The following EYA4 variants were observed in gnomAD, a reference collection of about 807,000 sequenced individuals.
EYA4 encodes the protein protein phosphatase EYA4.
Under a neutral mutation model 87.9 loss-of-function variants are expected in EYA4, and 31 were observed. The ratio of observed to expected loss-of-function variants is 0.35; its 90% confidence interval spans 0.27 to 0.48. The LOEUF (loss-of-function observed/expected upper bound fraction) is 0.48, where lower values mean the gene tolerates loss of function less well. Among genes scored for constraint, EYA4 ranks in the 20% least tolerant of loss-of-function variants. The pLI is 0.99. For synonymous variants in EYA4, 263 were observed against 270.6 expected (o/e 0.97, Z 0.28); for missense variants, 678 against 761.4 (o/e 0.89, Z 1.29).
At chr6:133,518,847 C>T (rs1023918747) in intron 17 of EYA4, among the ~76,000 whole-genome samples, 4 of 152,048 alleles carry the variant, frequency 2.6e-5, no homozygotes, top group African/African-American at 9.7e-5. Flanking sequence ...GAATCTCACT[C>T]GAAACCGCTC....
intron 2 of EYA4, among the ~76,000 whole-genome samples, chr6:133,376,767 TC>T (rs1562347822): frequency 6.6e-6 from 1 of 152,034 alleles, no homozygotes; most frequent in East Asian, 1.9e-4. Flanking sequence ...TATGGTATTT[TC>T]TACATATATT....
chr6:133,512,295 C>T (rs1799220681), intron 14 of EYA4, among the ~76,000 whole-genome samples: 1 of 152,080 alleles, frequency 6.6e-6, no homozygotes, highest in Non-Finnish European at 1.5e-5. Flanking sequence ...TGTTGCCACT[C>T]AACAAATGAT....
intron 2 of EYA4, among the ~76,000 whole-genome samples, chr6:133,284,633 T>A (rs1777886469): frequency 6.6e-6 from 1 of 152,200 alleles, no homozygotes; most frequent in Admixed American, 6.5e-5. Context: ...AATAATTCCT[T>A]TTCTCCCCCT....
intron 2 of EYA4, among the ~76,000 whole-genome samples, chr6:133,275,667 A>G (rs1777106786): frequency 6.6e-6 from 1 of 151,988 alleles, no homozygotes; most frequent in Non-Finnish European, 1.5e-5. Flanking sequence ...ATGTGGTTCT[A>G]GAAAAGGTAT....
At chr6:133,500,494 G>T (rs17062634) in intron 13 of EYA4, among the ~76,000 whole-genome samples, 4,448 of 152,182 alleles carry the variant, frequency 0.029, 249 homozygotes, top group East Asian at 0.18. Context: ...CACTCTTGGG[G>T]TCATGAACTC....
At chr6:133,297,480 G>A (rs1322427974) in intron 2 of EYA4, among the ~76,000 whole-genome samples, 2 of 152,144 alleles carry the variant, frequency 1.3e-5, no homozygotes, top group Non-Finnish European at 2.9e-5. Flanking sequence ...GCAAGATGGG[G>A]CTTTTCTGGT....
chr6:133,418,318 G>C (rs1375904745), intron 3 of EYA4, among the ~76,000 whole-genome samples: 1 of 152,134 alleles, frequency 6.6e-6, no homozygotes, highest in Non-Finnish European at 1.5e-5. Context: ...ATTCTTCATG[G>C]ATGTGACAGT....
chr6:133,294,692 A>G (rs1431878358), intron 2 of EYA4, among the ~76,000 whole-genome samples: 1 of 151,984 alleles, frequency 6.6e-6, no homozygotes, highest in Non-Finnish European at 1.5e-5. Flanking sequence ...CTCAGCCTCC[A>G]GAGTACCTGG....
At chr6:133,432,728 A>G (rs1791299278) in intron 3 of EYA4, among the ~76,000 whole-genome samples, 1 of 151,986 alleles carries the variant, frequency 6.6e-6, no homozygotes. Flanking sequence ...TGCTAAGGTC[A>G]GGGACTTATC....
At position 133,374,610 on chromosome 6, in the gene EYA4, G is replaced by A. The variant is rs546636028; in HGVS notation, c.34-7782G>A. On this transcript the variant is annotated intron_variant, in intron 2 of 19. Transcript: ENST00000355286. ...AGGTTTTCTTTGAATGGAAGTAGATGCAGACTTCCAGGTATGCAGTAGAGT... is the reference window on the plus strand; with the variant it reads ...AGGTTTTCTTTGAATGGAAGTAGATACAGACTTCCAGGTATGCAGTAGAGT... 1.1e-4 allele frequency among the ~76,000 whole-genome samples: 16 copies of A among 152,118 alleles called. No individual in the cohort carries two copies. The East Asian group carries it at 2.9e-3, about 28-fold the overall frequency.
intron 3 of EYA4, among the ~76,000 whole-genome samples, chr6:133,440,722 AC>A (rs1792190958): frequency 6.6e-6 from 1 of 152,214 alleles, no homozygotes; most frequent in Non-Finnish European, 1.5e-5. Flanking sequence ...TGACAATAGT[AC>A]AATAATCATT....
At chr6:133,355,708 G>A (rs1321853458) in intron 2 of EYA4, among the ~76,000 whole-genome samples, 1 of 152,156 alleles carries the variant, frequency 6.6e-6, no homozygotes, top group Non-Finnish European at 1.5e-5. Context: ...TATATTCAAA[G>A]ATTAAGCTTC....
At chr6:133,287,526 G>T (rs991440715) in intron 2 of EYA4, among the ~76,000 whole-genome samples, 2 of 118,762 alleles carry the variant, frequency 1.7e-5, no homozygotes, top group African/African-American at 5.1e-5. Flanking sequence ...AAATCTGGCT[G>T]AGAAGCACTG....
intron 1 of EYA4, among the ~76,000 whole-genome samples, chr6:133,268,348 A>G (rs1297637234): frequency 1.3e-5 from 2 of 152,206 alleles, no homozygotes; most frequent in African/African-American, 2.4e-5. Flanking sequence ...TTATGTAGGC[A>G]ATGAATTGTA....
intron 2 of EYA4, among the ~76,000 whole-genome samples, chr6:133,305,229 C>T (rs1779715738): frequency 6.6e-6 from 1 of 152,004 alleles, no homozygotes; most frequent in East Asian, 1.9e-4. Context: ...GTAGTGGGGG[C>T]CAGAGTTTGT....
intron 2 of EYA4, among the ~76,000 whole-genome samples, chr6:133,294,450 C>T (rs1778794424): frequency 6.6e-6 from 1 of 150,788 alleles, no homozygotes; most frequent in Non-Finnish European, 1.5e-5. Flanking sequence ...GCAGTTATAA[C>T]TCCTGGGTTC....
rs2076256 is a variant in EYA4 at position 133,446,394 on chromosome 6, G to C, written c.84-236G>C. 0.059 allele frequency among the ~76,000 whole-genome samples: 9,019 copies of C among 152,002 alleles called. 467 individuals are homozygous for C. Among genetic ancestry groups the C allele is most frequent in the East Asian group, 0.23 (1,184 of 5,148 alleles). ...ATAATATGTTATAATAACGTGTTAT[G>C]TTATTACAAACCGGTTATGAGGCTT... is the stretch of plus-strand genomic sequence containing the variant. On this transcript the variant is annotated intron_variant, in intron 3 of 19. Transcript: ENST00000355286.
intron 1 of EYA4, among the ~76,000 whole-genome samples, chr6:133,269,298 A>G (rs558904357): frequency 3.9e-4 from 59 of 152,294 alleles, no homozygotes; most frequent in Non-Finnish European, 7.1e-4. Flanking sequence ...TGTGTACTGC[A>G]TCAACTTTCA....
chr6:133,256,238 G>T (rs1336879097), intron 1 of EYA4, among the ~76,000 whole-genome samples: 2 of 151,148 alleles, frequency 1.3e-5, no homozygotes, highest in African/African-American at 4.8e-5. Context: ...TCTCACTTAA[G>T]AATATTTAGT....
Sources: allele counts gnomAD v4.1 joint callset (sites outside exome capture counted in the v4.1 genomes callset), GRCh38; gene constraint gnomAD v4.1.1; transcripts MANE v1.5; gene names NCBI Gene and HGNC (gene_info 2026-07-23, HGNC 2026-07-21).